Variants in BANK1 observed in about 807,000 individuals in gnomAD.
BANK1 encodes B cell scaffold protein with ankyrin repeats 1, also known as B-cell scaffold protein with ankyrin repeats.
Under a neutral mutation model 94.5 loss-of-function variants are expected in BANK1, and 95 were observed. The observed-to-expected ratio is 1.00, with a 90% confidence interval of 0.85 to 1.19. The LOEUF is 1.19. Ranked by LOEUF, BANK1 falls within the 50% of genes most tolerant of loss-of-function variation. The pLI is 0.00. For missense variants in BANK1, 987 were observed against 932.2 expected (o/e 1.06, Z -0.77); for synonymous variants, 334 against 308.4 (o/e 1.08, Z -0.87).
chr4:101,832,516 T>C (rs1429792737), intron 2 of BANK1, among the ~76,000 whole-genome samples: 3 of 152,162 alleles, frequency 2.0e-5, no homozygotes, highest in African/African-American at 7.2e-5. Context: ...GTTTGCATTT[T>C]CACTTTAACT....
chr4:102,062,328 T>G (rs1209828836), intron 12 of BANK1: 1 of 152,160 alleles, frequency 6.6e-6, no homozygotes, highest in Non-Finnish European at 1.5e-5. Context: ...TCCTCACCCC[T>G]ACTCACAGTC....
chr4:101,856,492 C>G (rs1727685252), intron 3 of BANK1, among the ~76,000 whole-genome samples: 1 of 152,088 alleles, frequency 6.6e-6, no homozygotes, highest in South Asian at 2.1e-4. Flanking sequence ...GGCAACTACT[C>G]TCAAGTAGAT....
chr4:101,821,085 G>A (rs748037130), intron 1 of BANK1, among the ~76,000 whole-genome samples: 1 of 152,032 alleles, frequency 6.6e-6, no homozygotes, highest in South Asian at 2.1e-4. Flanking sequence ...TAAGTTTTCC[G>A]TTTTCTCGAC....
chr4:101,895,161 T>A, intron 5 of BANK1, 144 bp from the exon 6 acceptor site: 1 of 473,470 alleles, frequency 2.1e-6, no homozygotes, highest in Non-Finnish European at 3.8e-6. Flanking sequence ...TATGTTTTGA[T>A]TTATTCTTTC....
chr4:101,840,719 C>G (rs1727014027), intron 2 of BANK1, among the ~76,000 whole-genome samples: 1 of 152,206 alleles, frequency 6.6e-6, no homozygotes, highest in African/African-American at 2.4e-5. Context: ...GGGTAAATCT[C>G]TGTTCGAGGC....
chr4:102,031,944 C>G (rs1329619386), intron 10 of BANK1, among the ~76,000 whole-genome samples: 1 of 146,074 alleles, frequency 6.8e-6, no homozygotes, highest in African/African-American at 2.5e-5. Context: ...GAAACTATAA[C>G]AAATTAGGAA....
chr4:101,923,936 G>A (rs867478241), intron 7 of BANK1, among the ~76,000 whole-genome samples: 3 of 151,592 alleles, frequency 2.0e-5, no homozygotes, highest in Non-Finnish European at 4.4e-5. Flanking sequence ...TGTTTGTAGA[G>A]CCCCAAAGAG....
chr4:102,016,495 T>A (rs1263575427), intron 7 of BANK1, among the ~76,000 whole-genome samples: 1 of 152,172 alleles, frequency 6.6e-6, no homozygotes, highest in African/African-American at 2.4e-5. Context: ...ACATTATGGC[T>A]CCTGAAAAGA....
At chr4:101,962,535 A>G (rs1316156860) in intron 7 of BANK1, among the ~76,000 whole-genome samples, 1 of 152,114 alleles carries the variant, frequency 6.6e-6, no homozygotes. Context: ...AGTCTGTTCT[A>G]TTGACATTTT....
intron 7 of BANK1, among the ~76,000 whole-genome samples, chr4:101,959,547 G>A (rs1343133747): frequency 6.6e-6 from 1 of 152,210 alleles, no homozygotes; most frequent in African/African-American, 2.4e-5. Context: ...GCCAAGGCAA[G>A]GCTAAAAGTA....
chr4:102,047,775 C>A (rs60836428), intron 11 of BANK1, among the ~76,000 whole-genome samples: 7,619 of 151,646 alleles, frequency 0.05, 459 homozygotes, highest in African/African-American at 0.14. Context: ...ATGAAGAGAT[C>A]CTTGGAATGT....
intron 1 of BANK1, among the ~76,000 whole-genome samples, chr4:101,794,914 A>G (rs1450477189): frequency 6.6e-6 from 1 of 152,050 alleles, no homozygotes; most frequent in African/African-American, 2.4e-5. Flanking sequence ...ACTATGTGTC[A>G]TATCTTTGTT....
At chr4:101,989,491 G>A (rs1725628191) in intron 7 of BANK1, among the ~76,000 whole-genome samples, 1 of 137,278 alleles carries the variant, frequency 7.3e-6, no homozygotes, top group Non-Finnish European at 1.6e-5. Flanking sequence ...AGCCAGAAAA[G>A]TAATATTGAT....
chr4:101,986,899 G>A (rs2851321), intron 7 of BANK1, among the ~76,000 whole-genome samples: 33,609 of 81,544 alleles, frequency 0.41, 8,572 homozygotes, highest in Non-Finnish European at 0.48. Context: ...GTGTGTGTGT[G>A]TATATATATA....
intron 6 of BANK1, among the ~76,000 whole-genome samples, chr4:101,912,581 G>A (rs929591096): frequency 3.0e-4 from 45 of 147,882 alleles, no homozygotes; most frequent in Non-Finnish European, 5.2e-4. Flanking sequence ...TATAAAATAT[G>A]TATTGAATAT....
intron 5 of BANK1, among the ~76,000 whole-genome samples, chr4:101,882,076 T>C (rs1156663274): frequency 1.3e-5 from 2 of 152,122 alleles, no homozygotes; most frequent in African/African-American, 4.8e-5. Flanking sequence ...AAAAGTGTCA[T>C]GGGATTGTTT....
intron 1 of BANK1, among the ~76,000 whole-genome samples, chr4:101,827,377 A>T (rs1726405895): frequency 1.3e-5 from 2 of 151,896 alleles, no homozygotes; most frequent in Admixed American, 6.6e-5. Context: ...TTAGGGAAAA[A>T]TGATACAAAA....
At chr4:101,926,434 C>T (rs1280495678) in intron 7 of BANK1, among the ~76,000 whole-genome samples, 1 of 151,610 alleles carries the variant, frequency 6.6e-6, no homozygotes, top group East Asian at 2.0e-4. Context: ...GTTTGTTTTA[C>T]ATAAATTAAT....
In BANK1 at chr4:101,875,122, C is replaced by G. The variant is rs1728439383; in HGVS notation, c.903+4478C>G. ...TAAAGAATCTGGTTTAACGTTATAT[C>G]ACTGAAAGAGGCACTGAAGAGGTAG... On this transcript the variant is annotated intron_variant, in intron 5 of 16. Transcript: ENST00000322953. Among the ~76,000 whole-genome samples, 5 of 152,104 alleles carry G rather than the reference C, an allele frequency of 3.3e-5. No individual in the cohort carries two copies. In the South Asian group the frequency reaches 1.0e-3, roughly 32 times the overall value.
Sources: gnomAD v4.1 joint callset for allele counts (sites outside exome capture counted in the v4.1 genomes callset) on GRCh38, gnomAD v4.1.1 for gene constraint, MANE v1.5 for transcripts, NCBI Gene and HGNC (gene_info 2026-07-23, HGNC 2026-07-21) for gene names.